The following APOBEC3H variants were observed in gnomAD, a reference collection of about 807,000 sequenced individuals.
APOBEC3H encodes the protein DNA dC->dU-editing enzyme APOBEC-3H.
APOBEC3H carries 8 observed loss-of-function variants against 21.2 expected under a neutral mutation model. The observed-to-expected ratio is 0.38, with a 90% CI of 0.22 to 0.68. The LOEUF (loss-of-function observed/expected upper bound fraction) is 0.68. Ranked by LOEUF, APOBEC3H falls within the 30% of genes least tolerant of loss-of-function variation. The probability of loss-of-function intolerance (pLI) is 0.52; values close to 1 mark genes in which losing one functional copy is unlikely to be tolerated. For synonymous variants in APOBEC3H, 88 were observed against 91.0 expected (o/e 0.97, Z 0.19); for missense variants, 229 against 228.1 (o/e 1.00, Z -0.03).
At chr22:39,100,229 G>A (rs756279324) in intron 1 of APOBEC3H, 43 bp from the exon 2 acceptor site, 1 of 1,591,960 alleles carries the variant, frequency 6.3e-7, no homozygotes, top group South Asian at 1.1e-5. Context: ...TGACTCAAGA[G>A]GACGCTCCCT....
chr22:39,101,172 C>CCCCCCCCCCCCCCCCCCCA, intron 2 of APOBEC3H, 65 bp from the exon 3 acceptor site: 1 of 1,267,064 alleles, frequency 7.9e-7, no homozygotes, highest in Non-Finnish European at 1.1e-6. Context: ...GCCCCCGCCC[C>CCCCCCCCCCCCCCCCCCCA]CAGTCACATG....
In APOBEC3H at chr22:39,100,339, A is replaced by AG. The variant is rs1488910543; in HGVS notation, c.63dup (p.Pro22AlafsTer27). On this transcript the variant is annotated frameshift_variant, in exon 2 of 5. Coordinates refer to ENST00000442487, the MANE Select transcript of APOBEC3H (RefSeq NM_181773.5). LOFTEE classifies it high-confidence loss of function. ...GTTTAACAACAAGCGCCGCCTCAGA[A>AG]GGCCTTACTACCCGAGGAAGGCCCT... 1 of 1,613,886 alleles carries AG rather than the reference A, an allele frequency of 6.2e-7. No individual in the cohort carries two copies. Among genetic ancestry groups the AG allele is most frequent in the African/African-American group, 1.3e-5 (1 of 74,868 alleles).
intron 1 of APOBEC3H, among the ~76,000 whole-genome samples, chr22:39,099,766 CTCCTCCTG>C (rs1292738926): frequency 1.3e-5 from 2 of 152,178 alleles, no homozygotes; most frequent in Non-Finnish European, 2.9e-5. Flanking sequence ...GAGCACTCCC[CTCCTCCTG>C]TCCTCCTGCC....
At chr22:39,101,100 G>A in intron 2 of APOBEC3H, 137 bp from the exon 3 acceptor site, 1 of 819,444 alleles carries the variant, frequency 1.2e-6, no homozygotes, top group East Asian at 2.7e-5. Flanking sequence ...ACTAGGCCAG[G>A]CCACGCACTA....
Position 39,103,988 on chromosome 22 carries a change from G to A in APOBEC3H, c.*291G>A, listed in dbSNP as rs975000447. On this transcript the variant is annotated 3_prime_UTR_variant, in exon 5 of 5. Transcript: ENST00000442487. Reference sequence around the variant, plus strand: ...AAAGATAAAGTCTGTAAATCCAGCCGGGTACGGTGGCTCACGCCTGTAATC... The same window carrying A: ...AAAGATAAAGTCTGTAAATCCAGCCAGGTACGGTGGCTCACGCCTGTAATC... 4.4e-5 allele frequency: 22 copies of A among 500,090 alleles called. No individual in the cohort carries two copies. Among genetic ancestry groups the A allele is most frequent in the East Asian group, 1.3e-4 (4 of 30,354 alleles). 31.0% of individuals were successfully genotyped at this position (500,090 alleles called of 1,614,324 possible).
intron 4 of APOBEC3H, among the ~76,000 whole-genome samples, chr22:39,102,245 T>C (rs1320060071): frequency 1.3e-5 from 2 of 151,802 alleles, no homozygotes; most frequent in African/African-American, 4.8e-5. Flanking sequence ...GCCTCCCGGG[T>C]TCAAGTGATT....
At position 39,101,482 on chromosome 22, in the gene APOBEC3H, G is replaced by A. The variant is rs138969085; in HGVS notation, c.396G>A (p.Pro132=). The stretch of plus-strand genomic sequence containing the variant: ...GGCTTCTGTGTGGATCCCAGGTCCC[G>A]GTGGAGGTCATGGGCTTCCCAGGTA... ...GLRLLCGSQV[P]VEVMGFPEFA... The change falls in exon 3 of 5, where the codon CCG becomes CCA. Residue 132 remains proline (P), a synonymous_variant. Coordinates refer to ENST00000442487, the MANE Select transcript of APOBEC3H (RefSeq NM_181773.5). 1,159 of 1,610,466 alleles carry A rather than the reference G, an allele frequency of 7.2e-4. 1 individual carries two copies. Among genetic ancestry groups the A allele is most frequent in the Non-Finnish European group, 9.0e-4 (1,060 of 1,179,432 alleles).
intron 4 of APOBEC3H, among the ~76,000 whole-genome samples, chr22:39,102,350 T>G (rs552944671): frequency 6.1e-5 from 2 of 32,652 alleles, no homozygotes; most frequent in South Asian, 1.6e-3. Context: ...GGTTTCACCA[T>G]GTTGCCCAGG....
At chr22:39,099,705 G>T (rs1189147446) in intron 1 of APOBEC3H, among the ~76,000 whole-genome samples, 2 of 152,222 alleles carry the variant, frequency 1.3e-5, no homozygotes, top group African/African-American at 4.8e-5. Context: ...GTGGGCAGCA[G>T]CCGGTGCCCT....
At position 39,103,993 on chromosome 22, in the gene APOBEC3H, C is replaced by T. The variant is rs926154943; in HGVS notation, c.*296C>T. ...TAAAGTCTGTAAATCCAGCCGGGTACGGTGGCTCACGCCTGTAATCCTAGC... is the reference window on the plus strand; with the variant it reads ...TAAAGTCTGTAAATCCAGCCGGGTATGGTGGCTCACGCCTGTAATCCTAGC... On this transcript the variant is annotated 3_prime_UTR_variant, in exon 5 of 5. Coordinates refer to ENST00000442487, the MANE Select transcript of APOBEC3H (RefSeq NM_181773.5). 6 of 483,538 alleles carry T rather than the reference C, an allele frequency of 1.2e-5. No individual in the cohort carries two copies. Among genetic ancestry groups the T allele is most frequent in the African/African-American group, 3.9e-5 (2 of 51,390 alleles). The allele number at this position is 483,538 out of a possible 1,614,324, so 30.0% of individuals were successfully genotyped here. A position where few individuals can be genotyped will look rare whatever the true frequency, so the allele number is the denominator to read the frequency against.
chr22:39,103,736 GCTT>G lies in APOBEC3H; in HGVS notation c.*40_*42del, dbSNP rs1364287798. ...TAGAGAATGACTTAAGAAGTTTGCAGCTTGGACCCGTATCCCACTCATTATCAA... is the reference window on the plus strand; with the variant it reads ...TAGAGAATGACTTAAGAAGTTTGCAGGGACCCGTATCCCACTCATTATCAA... On this transcript the variant is annotated 3_prime_UTR_variant, in exon 5 of 5. Transcript: ENST00000442487. 1 of 1,611,960 alleles carries G rather than the reference GCTT, an allele frequency of 6.2e-7. No individual in the cohort carries two copies. Among genetic ancestry groups the G allele is most frequent in the South Asian group, 1.1e-5 (1 of 91,034 alleles).
chr22:39,102,272 C>A (rs1929411879), intron 4 of APOBEC3H, among the ~76,000 whole-genome samples: 1 of 152,118 alleles, frequency 6.6e-6, no homozygotes, highest in African/African-American at 2.4e-5. Flanking sequence ...CCTCAGCCTC[C>A]CGAGTAGCTG....
rs1346133171 is a variant in APOBEC3H at position 39,102,506 on chromosome 22, T to G, written c.543+464T>G. On this transcript the variant is annotated intron_variant, in intron 4 of 4. Coordinates refer to ENST00000442487, the MANE Select transcript of APOBEC3H (RefSeq NM_181773.5). Reference sequence around the variant, plus strand: ...TCGCACCAGGGGCTCCTTCTTGTTCTTTTAGATTCCAGGGGTACGTGCGCA... The same window carrying G: ...TCGCACCAGGGGCTCCTTCTTGTTCGTTTAGATTCCAGGGGTACGTGCGCA... 3 of 718,306 alleles carry G rather than the reference T, an allele frequency of 4.2e-6. No individual in the cohort carries two copies. In the African/African-American group the frequency reaches 5.2e-5, roughly 13 times the overall value. 44.5% of individuals were successfully genotyped at this position (718,306 alleles called of 1,614,324 possible).
At chr22:39,101,611 GGGGCGGGT>G in intron 3 of APOBEC3H, 107 bp downstream of exon 3, 1 of 351,774 alleles carries the variant, frequency 2.8e-6, no homozygotes, top group African/African-American at 3.2e-5. Context: ...GCGGGGGGCG[GGGGCGGGT>G]TGGAGGAGGT....
intron 1 of APOBEC3H, among the ~76,000 whole-genome samples, chr22:39,099,098 G>A (rs1033807562): frequency 6.6e-6 from 1 of 152,150 alleles, no homozygotes; most frequent in Non-Finnish European, 1.5e-5. Context: ...GGGAGGCTGA[G>A]GCAGGAGAAT....
chr22:39,100,779 CCT>C (rs1191584903), intron 2 of APOBEC3H, among the ~76,000 whole-genome samples: 3 of 152,184 alleles, frequency 2.0e-5, no homozygotes, highest in Non-Finnish European at 2.9e-5. Flanking sequence ...CCATCACACC[CCT>C]GTCCTCTCCG....
In APOBEC3H at chr22:39,101,299, G is replaced by A. The variant is rs745376430; in HGVS notation, c.213G>A (p.Thr71=). The A allele has an allele frequency of 5.8e-5, 93 of 1,613,394 alleles. No homozygotes were observed. The highest frequency in any genetic ancestry group is 1.6e-4 in the Middle Eastern group (1 of 6,084). ...TCAAGTCCATGGGACTGGACGAAAC[G>A]CAGTGCTACCAAGTCACCTGTTACC... ...NEIKSMGLDE[T]QCYQVTCYLT... Residue 71 remains threonine (T), a synonymous_variant, in exon 3 of 5, where the codon ACG becomes ACA. Transcript: ENST00000442487.
intron 2 of APOBEC3H, chr22:39,100,633 C>T (rs566140551): frequency 4.5e-5 from 28 of 615,522 alleles, no homozygotes; most frequent in African/African-American, 3.7e-4. Context: ...CATTCTTTCC[C>T]GTCCCCGGAC....
intron 4 of APOBEC3H, among the ~76,000 whole-genome samples, chr22:39,103,275 AG>A (rs1450579256): frequency 6.6e-6 from 1 of 152,238 alleles, no homozygotes; most frequent in Non-Finnish European, 1.5e-5. Context: ...CAACAGAGTG[AG>A]GCTTTGCTTA....
Sources: allele counts gnomAD v4.1 joint callset (sites outside exome capture counted in the v4.1 genomes callset), GRCh38; gene constraint gnomAD v4.1.1; transcripts MANE v1.5; gene names NCBI Gene and HGNC (gene_info 2026-07-23, HGNC 2026-07-21).